OTOF: variants seen among roughly 807,000 people sequenced by gnomAD.
The protein encoded by OTOF is fer-1-like family member 2.
In OTOF, 218 loss-of-function variants were observed where a neutral mutation model predicts 236.8. The ratio of observed to expected loss-of-function variants is 0.92; its 90% CI spans 0.82 to 1.03. The LOEUF (loss-of-function observed/expected upper bound fraction) is 1.03. Ranked by LOEUF, OTOF falls within the 50% of genes least tolerant of loss-of-function variation. OTOF has a pLI of 0.00. For missense variants in OTOF, 2,590 were observed against 2,694.4 expected, an observed-to-expected ratio of 0.96 and a Z score of 0.86; for synonymous variants, 1,041 against 1,072.5, an observed-to-expected ratio of 0.97 and a Z score of 0.57.
rs1374450458 is a variant in OTOF, at chr2:26,479,300, G to A, written c.2178C>T (p.Tyr726=). The change falls in exon 18 of 47, where the codon TAC becomes TAT. Residue 726 remains tyrosine, a synonymous_variant. Coordinates refer to ENST00000272371, the MANE Select transcript of OTOF (RefSeq NM_194248.3). The part of the protein sequence containing the change: ...SWWPDQRRRL[Y]NANIMDHIAD... ...CAATGTGGTCCATGATGTTGGCATT[G>A]TAGAGGCGGCGGCGCTGGTCCGGCC... The A allele has an allele frequency of 1.9e-6, 3 of 1,612,660 alleles. No individual in the cohort carries two copies. In the African/African-American group the frequency reaches 4.0e-5, roughly 22 times the overall value.
At chr2:26,525,002 G>C (rs1008936090) in intron 3 of OTOF, among the ~76,000 whole-genome samples, 4 of 152,184 alleles carry the variant, frequency 2.6e-5, no homozygotes, top group Admixed American at 2.6e-4. Context: ...GTCTGTGTGT[G>C]AGCCTTCCAC....
intron 1 of OTOF, among the ~76,000 whole-genome samples, chr2:26,556,090 T>G (rs1357696510): frequency 6.6e-6 from 1 of 152,194 alleles, no homozygotes; most frequent in Non-Finnish European, 1.5e-5. Context: ...TTCAACCAGC[T>G]GCTCTGGCCT....
At chr2:26,547,828 G>A (rs888076782) in intron 1 of OTOF, among the ~76,000 whole-genome samples, 2 of 152,080 alleles carry the variant, frequency 1.3e-5, no homozygotes, top group African/African-American at 2.4e-5. Context: ...GTGACAGTGC[G>A]AGACTCCATC....
At chr2:26,534,791 A>G (rs1188029418) in intron 2 of OTOF, among the ~76,000 whole-genome samples, 3 of 145,394 alleles carry the variant, frequency 2.1e-5, no homozygotes, top group Admixed American at 6.9e-5. Flanking sequence ...CTCCCAGGCC[A>G]GTGTGTCTCA....
intron 8 of OTOF, among the ~76,000 whole-genome samples, chr2:26,499,976 G>A (rs1277227361): frequency 6.6e-6 from 1 of 152,154 alleles, no homozygotes; most frequent in Non-Finnish European, 1.5e-5. Context: ...GTCTTTGGAG[G>A]GGACAATGTC....
At position 26,482,422 on chromosome 2, in the gene OTOF, A is replaced by T; in HGVS notation, c.1563T>A (p.Ser521=). Residue 521 remains serine, a synonymous_variant, in exon 14 of 47, where the codon TCT becomes TCA. Coordinates refer to ENST00000272371, the MANE Select transcript of OTOF (RefSeq NM_194248.3). ...GCTGCTGACCTTTGTCTCCGTCATT[A>T]GAAATCTTGCGCAGGTCAATGAAGT... ...GTHFIDLRKI[S]NDGDKGFLPT... is the part of the protein sequence containing the mutation. 1 of 1,613,316 alleles carries T rather than the reference A, an allele frequency of 6.2e-7. No individual in the cohort carries two copies. Among genetic ancestry groups the T allele is most frequent in the Non-Finnish European group, 8.5e-7 (1 of 1,180,010 alleles).
intron 4 of OTOF, among the ~76,000 whole-genome samples, chr2:26,518,034 G>A (rs1666579352): frequency 6.6e-6 from 1 of 152,086 alleles, no homozygotes; most frequent in Non-Finnish European, 1.5e-5. Flanking sequence ...ACTTTAAGAA[G>A]CCCTCCCTGC....
intron 11 of OTOF, among the ~76,000 whole-genome samples, chr2:26,486,805 T>C (rs1665711889): frequency 6.6e-6 from 1 of 152,172 alleles, no homozygotes; most frequent in Non-Finnish European, 1.5e-5. Context: ...CTAGTCCTAA[T>C]ACTGTGTGAT....
At chr2:26,512,508 T>C (rs1666416198) in intron 5 of OTOF, among the ~76,000 whole-genome samples, 1 of 152,238 alleles carries the variant, frequency 6.6e-6, no homozygotes, top group African/African-American at 2.4e-5. Flanking sequence ...TGCAAGGGTC[T>C]GGAACACTGA....
At chr2:26,481,144 T>G (rs535118929) in intron 14 of OTOF, 135 bp from the exon 15 acceptor site, 1 of 672,852 alleles carries the variant, frequency 1.5e-6, no homozygotes, top group African/African-American at 1.8e-5. Flanking sequence ...CATTCAGGTG[T>G]GGGGCAGCCT....
intron 5 of OTOF, among the ~76,000 whole-genome samples, chr2:26,514,768 C>T (rs1243272114): frequency 6.6e-6 from 1 of 152,166 alleles, no homozygotes; most frequent in Non-Finnish European, 1.5e-5. Context: ...CCTTAGCTCT[C>T]CTGATTTGGG....
chr2:26,485,256 T>C (rs1470076468), intron 11 of OTOF, among the ~76,000 whole-genome samples: 5 of 152,222 alleles, frequency 3.3e-5, no homozygotes, highest in Admixed American at 3.3e-4. Context: ...TCCACCTGTC[T>C]TTCTCCCTAT....
Position 26,473,682 on chromosome 2 carries a change from A to C in OTOF, c.3409-115T>G. On this transcript the variant is annotated intron_variant, in intron 27 of 46. Coordinates refer to ENST00000272371, the MANE Select transcript of OTOF (RefSeq NM_194248.3). The surrounding 1 kb of genome is among the most constrained non-coding windows in gnomAD (Gnocchi z 7.2). Reference sequence around the variant, plus strand: ...CGGGCAGTGGGATGGGCAGTAGTTCACCCCAGATTTCAAAGGGTGGGAGCA... The same window carrying C: ...CGGGCAGTGGGATGGGCAGTAGTTCCCCCCAGATTTCAAAGGGTGGGAGCA... The C allele has an allele frequency of 9.0e-7, 1 of 1,110,266 alleles. No homozygotes were observed. Among genetic ancestry groups the C allele is most frequent in the Non-Finnish European group, 1.3e-6 (1 of 781,504 alleles). 68.8% of individuals were successfully genotyped at this position (1,110,266 alleles called of 1,614,324 possible).
At chr2:26,524,586 G>A (rs1178734152) in intron 3 of OTOF, among the ~76,000 whole-genome samples, 2 of 152,150 alleles carry the variant, frequency 1.3e-5, no homozygotes, top group Non-Finnish European at 2.9e-5. Flanking sequence ...TCAATTTCCC[G>A]ATTTCCCAAA....
At chr2:26,495,721 C>T (rs965049275) in intron 8 of OTOF, among the ~76,000 whole-genome samples, 1 of 152,200 alleles carries the variant, frequency 6.6e-6, no homozygotes, top group African/African-American at 2.4e-5. Context: ...CCACCGTGCC[C>T]AGGCTGGAAT....
At chr2:26,492,118 T>A (rs1283754220) in intron 9 of OTOF, among the ~76,000 whole-genome samples, 1 of 152,102 alleles carries the variant, frequency 6.6e-6, no homozygotes, top group Admixed American at 6.6e-5. Context: ...GCTTTGGGGC[T>A]GGAAAGGCTG....
intron 2 of OTOF, among the ~76,000 whole-genome samples, chr2:26,534,645 C>T (rs987044084): frequency 6.6e-6 from 1 of 152,122 alleles, no homozygotes; most frequent in Non-Finnish European, 1.5e-5. Context: ...GCTTTCTTGT[C>T]TCTCATTTCA....
intron 5 of OTOF, among the ~76,000 whole-genome samples, chr2:26,505,589 CTG>C (rs1354989140): frequency 6.6e-6 from 1 of 152,208 alleles, no homozygotes; most frequent in Non-Finnish European, 1.5e-5. Flanking sequence ...AATAAAAAGA[CTG>C]AGGCTCAGAG....
In OTOF at chr2:26,461,657, T is replaced by C; in HGVS notation, c.5533+39A>G. ...CAACCCGGCCCCTGCCTCTTCTCAG[T>C]TCTGGATCCTGAACCCCCATCCCTG... On this transcript the variant is annotated intron_variant, in intron 43 of 46. Transcript: ENST00000272371. This position sits in a 1 kb window ranked among gnomAD's most constrained non-coding sequence, Gnocchi z 6.2. 1 of 1,611,760 alleles carries C rather than the reference T, an allele frequency of 6.2e-7. No individual in the cohort carries two copies. The highest frequency in any genetic ancestry group is 1.3e-5 in the African/African-American group (1 of 75,002).
Sources: allele counts gnomAD v4.1 joint callset (sites outside exome capture counted in the v4.1 genomes callset), GRCh38; gene constraint gnomAD v4.1.1; non-coding constraint Gnocchi (gnomAD v3.1); transcripts MANE v1.5; gene names NCBI Gene and HGNC (gene_info 2026-07-23, HGNC 2026-07-21).